The following ZBTB20 variants were observed in gnomAD, a reference collection of about 807,000 sequenced individuals.
ZBTB20 encodes zinc finger and BTB domain-containing protein 20.
A neutral mutation model predicts 56.9 loss-of-function variants in ZBTB20; 9 were observed. The ratio of observed to expected loss-of-function variants is 0.16; its 90% CI spans 0.10 to 0.28. The LOEUF (loss-of-function observed/expected upper bound fraction) is 0.28, where lower values mean the gene tolerates loss of function less well. ZBTB20 is among the 10% of genes least tolerant of loss of function. The pLI, the probability that ZBTB20 is intolerant of heterozygous loss-of-function variation, is 1.00. For synonymous variants in ZBTB20, 417 were observed against 420.7 expected (o/e 0.99, Z 0.11); for missense variants, 655 against 1,003.0 (o/e 0.65, Z 4.69).
intron 5 of ZBTB20, among the ~76,000 whole-genome samples, chr3:114,758,533 T>A (rs1276113141): frequency 8.5e-5 from 13 of 152,174 alleles, no homozygotes; most frequent in Non-Finnish European, 1.9e-4. Context: ...TTCGAAACAC[T>A]GTATGACGTG....
In ZBTB20 at chr3:114,322,863, A is replaced by G. The variant is rs2078943368; in HGVS notation, c.*16142T>C. 4 of 152,232 alleles carry G rather than the reference A, an allele frequency of 2.6e-5. No homozygotes were observed. The highest frequency in any genetic ancestry group is 9.6e-5 in the African/African-American group (4 of 41,458). 9.4% of individuals were successfully genotyped at this position (152,232 alleles called of 1,614,324 possible). A position where few individuals can be genotyped will look rare whatever the true frequency, so the allele number is the denominator to read the frequency against. ...GACGGATAGTAAAGAAGAGAGAGAA[A>G]AAGACAGGTTATCAATGTTGTAATC... On this transcript the variant is annotated 3_prime_UTR_variant, in exon 12 of 12. Coordinates refer to ENST00000675478, the MANE Select transcript of ZBTB20 (RefSeq NM_001348800.3).
chr3:114,968,208 A>C (rs972259443), intron 3 of ZBTB20, among the ~76,000 whole-genome samples: 3 of 152,174 alleles, frequency 2.0e-5, no homozygotes, highest in South Asian at 4.1e-4. Context: ...GAAAATACTT[A>C]AACTGTTTTC....
At chr3:114,817,532 T>C (rs1303811124) in intron 4 of ZBTB20, among the ~76,000 whole-genome samples, 1 of 133,898 alleles carries the variant, frequency 7.5e-6, no homozygotes, top group African/African-American at 3.5e-5. Context: ...AATAAATAAA[T>C]AAATAAATAA....
At chr3:114,855,496 A>G (rs1576119776) in intron 4 of ZBTB20, among the ~76,000 whole-genome samples, 1 of 152,184 alleles carries the variant, frequency 6.6e-6, no homozygotes, top group Non-Finnish European at 1.5e-5. Context: ...TATTATGGAG[A>G]TGGTTCTCTT....
chr3:114,389,769 G>A (rs771886521), intron 7 of ZBTB20, among the ~76,000 whole-genome samples: 36 of 151,518 alleles, frequency 2.4e-4, no homozygotes, highest in Non-Finnish European at 4.3e-4. Context: ...CACGCCTGTA[G>A]TCCCAGCTAC....
intron 4 of ZBTB20, among the ~76,000 whole-genome samples, chr3:114,859,417 C>T (rs2075406582): frequency 6.6e-6 from 1 of 151,432 alleles, no homozygotes; most frequent in Non-Finnish European, 1.5e-5. Flanking sequence ...TCGTGCTTCT[C>T]TCCCTTAGTT....
chr3:114,694,278 G>C (rs910625484), intron 5 of ZBTB20, among the ~76,000 whole-genome samples: 2 of 151,884 alleles, frequency 1.3e-5, no homozygotes, highest in Non-Finnish European at 2.9e-5. Flanking sequence ...TTCTACTGTG[G>C]AGCAACAAAG....
At chr3:114,684,749 A>C (rs1273892162) in intron 6 of ZBTB20, 1 of 152,180 alleles carries the variant, frequency 6.6e-6, no homozygotes, top group Non-Finnish European at 1.5e-5. Context: ...TAAACCCCTC[A>C]TTCCTCTAAT....
At chr3:114,761,068 T>G (rs191370768) in intron 5 of ZBTB20, among the ~76,000 whole-genome samples, 7 of 152,308 alleles carry the variant, frequency 4.6e-5, no homozygotes, top group Admixed American at 1.3e-4. Context: ...TGGTGTTATT[T>G]AACATTTTGC....
rs908777863 is a variant in ZBTB20, at chr3:114,323,886, C to T, written c.*15119G>A. 6.6e-6 allele frequency: 1 copy of T among 152,006 alleles called. No individual in the cohort carries two copies. 9.4% of individuals were successfully genotyped at this position (152,006 alleles called of 1,614,324 possible). Reference sequence around the variant, plus strand: ...ATAATTTGCCTTTTTCTTTCCCATACGTAACACACTCTCTCCCAGCACAAG... The same window carrying T: ...ATAATTTGCCTTTTTCTTTCCCATATGTAACACACTCTCTCCCAGCACAAG... On this transcript the variant is annotated 3_prime_UTR_variant, in exon 12 of 12. Coordinates refer to ENST00000675478, the MANE Select transcript of ZBTB20 (RefSeq NM_001348800.3).
At chr3:115,145,575 C>CTA (rs2084939594) in intron 1 of ZBTB20, among the ~76,000 whole-genome samples, 1 of 152,118 alleles carries the variant, frequency 6.6e-6, no homozygotes, top group Non-Finnish European at 1.5e-5. Flanking sequence ...AAGAAAAAAA[C>CTA]TATATATATT....
At chr3:114,437,952 T>C (rs2090626905) in intron 7 of ZBTB20, among the ~76,000 whole-genome samples, 1 of 152,088 alleles carries the variant, frequency 6.6e-6, no homozygotes. Flanking sequence ...GCCTTACAAT[T>C]CTGTAATTCA....
At chr3:114,860,874 T>C (rs1213293729) in intron 4 of ZBTB20, among the ~76,000 whole-genome samples, 2 of 152,192 alleles carry the variant, frequency 1.3e-5, no homozygotes, top group Admixed American at 6.5e-5. Flanking sequence ...AAATCAAGAG[T>C]ATCACAAAAA....
chr3:114,787,902 T>C (rs904120098), intron 5 of ZBTB20, among the ~76,000 whole-genome samples: 1 of 152,144 alleles, frequency 6.6e-6, no homozygotes, highest in Non-Finnish European at 1.5e-5. Flanking sequence ...AAAATGAGAA[T>C]GTCTAACATA....
chr3:114,521,858 G>A lies in ZBTB20; in HGVS notation c.-294-21467C>T, dbSNP rs1027031606. ...GAAAATTTTGCCATGGAGAATCATG[G>A]AGCCTATGCCACAATATTATGTTTT... On this transcript the variant is annotated intron_variant, in intron 6 of 11. Coordinates refer to ENST00000675478, the MANE Select transcript of ZBTB20 (RefSeq NM_001348800.3). Among the ~76,000 whole-genome samples, 10 of 152,198 alleles carry A rather than the reference G, an allele frequency of 6.6e-5. No homozygotes were observed. In the South Asian group the frequency reaches 1.7e-3, roughly 25 times the overall value.
intron 7 of ZBTB20, among the ~76,000 whole-genome samples, chr3:114,485,838 G>C (rs2042059815): frequency 6.6e-6 from 1 of 152,032 alleles, no homozygotes; most frequent in African/African-American, 2.4e-5. Flanking sequence ...AAATTTGCAG[G>C]TGCCTCAATC....
At chr3:114,751,110 T>TA (rs1330190103) in intron 5 of ZBTB20, among the ~76,000 whole-genome samples, 9 of 152,184 alleles carry the variant, frequency 5.9e-5, no homozygotes, top group Non-Finnish European at 1.2e-4. Context: ...CAAAGCAATT[T>TA]AAAATGTTAT....
chr3:114,646,241 C>T (rs993142342), intron 6 of ZBTB20, among the ~76,000 whole-genome samples: 1 of 151,690 alleles, frequency 6.6e-6, no homozygotes, highest in Non-Finnish European at 1.5e-5. Flanking sequence ...CCTTGATGCC[C>T]TCACTCAGTA....
At chr3:114,615,449 G>A (rs1047089088) in intron 6 of ZBTB20, among the ~76,000 whole-genome samples, 2 of 152,194 alleles carry the variant, frequency 1.3e-5, no homozygotes, top group African/African-American at 4.8e-5. Context: ...GCAAGTTGGG[G>A]TAAGGATGTA....
Sources: gnomAD v4.1 joint callset for allele counts (sites outside exome capture counted in the v4.1 genomes callset) on GRCh38, gnomAD v4.1.1 for gene constraint, MANE v1.5 for transcripts, NCBI Gene and HGNC (gene_info 2026-07-23, HGNC 2026-07-21) for gene names.